USH2A: variants seen among roughly 807,000 people sequenced by gnomAD.
The protein encoded by USH2A is usherin, also known as Usher syndrome 2A (autosomal recessive, mild).
USH2A carries 443 observed loss-of-function variants against 538.9 expected under a neutral mutation model. The observed-to-expected ratio is 0.82, with a 90% CI of 0.76 to 0.89. The LOEUF (loss-of-function observed/expected upper bound fraction) is 0.89, where lower values mean the gene tolerates loss of function less well. USH2A is among the 40% of genes least tolerant of loss of function. USH2A has a pLI of 0.00. For synonymous variants in USH2A, 2,413 were observed against 2,273.5 expected (o/e 1.06, Z -1.75); for missense variants, 6,633 against 6,324.8 (o/e 1.05, Z -1.65).
At chr1:216,023,163 A>T (rs1285816877) in intron 32 of USH2A, among the ~76,000 whole-genome samples, 2 of 152,072 alleles carry the variant, frequency 1.3e-5, no homozygotes, top group African/African-American at 4.8e-5. Flanking sequence ...AAAATTCAAG[A>T]TAAATCTATC....
intron 32 of USH2A, among the ~76,000 whole-genome samples, chr1:216,039,477 G>A (rs1203232426): frequency 6.6e-6 from 1 of 151,952 alleles, no homozygotes; most frequent in African/African-American, 2.4e-5. Flanking sequence ...ATCCTCACAT[G>A]CTCTGCTTTA....
chr1:216,394,743 G>A, intron 3 of USH2A, among the ~76,000 whole-genome samples: 1 of 22,592 alleles, frequency 4.4e-5, no homozygotes, highest in East Asian at 5.0e-3. Flanking sequence ...TTTTGAGACA[G>A]AGTCTCGCTC....
intron 55 of USH2A, among the ~76,000 whole-genome samples, chr1:215,768,498 T>A (rs1457881180): frequency 6.6e-6 from 1 of 152,208 alleles, no homozygotes; most frequent in Admixed American, 6.5e-5. Flanking sequence ...AGTGATAAGA[T>A]GCAGGCACTT....
At chr1:216,120,219 CAAAAA>C (rs10525093) in intron 21 of USH2A, among the ~76,000 whole-genome samples, 49 of 100,002 alleles carry the variant, frequency 4.9e-4, no homozygotes, top group African/African-American at 1.5e-3. Context: ...TACTAAATAG[CAAAAA>C]AAAAAAAAAA....
In USH2A at chr1:215,900,867, T is replaced by C. The variant is rs920986159; in HGVS notation, c.7339A>G (p.Thr2447Ala). 3.7e-6 allele frequency: 6 copies of C among 1,613,332 alleles called. No individual in the cohort carries two copies. Among genetic ancestry groups the C allele is most frequent in the South Asian group, 2.2e-5 (2 of 91,064 alleles). The change falls in exon 39 of 72, where the codon ACT (threonine) becomes GCT (alanine). Residue 2447 changes from threonine to alanine, a missense_variant. Thr to Ala is a moderately conservative substitution (Grantham distance 58). Coordinates refer to ENST00000307340, the MANE Select transcript of USH2A (RefSeq NM_206933.4). ...CAGACAACCTGAAGACTGGTTGGAG[T>C]GGCAGATGAAAGCCTGGGAGGCAGC... ...GVLPPRLSSA[T>A]PTSLQVVWST...
chr1:215,725,694 G>A (rs948115354), intron 61 of USH2A, among the ~76,000 whole-genome samples: 3 of 151,984 alleles, frequency 2.0e-5, no homozygotes, highest in South Asian at 4.2e-4. Flanking sequence ...TAATCTATTC[G>A]ACATTGCAAG....
At chr1:215,627,876 G>A (rs992310847) in intron 71 of USH2A, among the ~76,000 whole-genome samples, 2 of 152,116 alleles carry the variant, frequency 1.3e-5, no homozygotes, top group African/African-American at 2.4e-5. Flanking sequence ...GTACTGCAGC[G>A]GGCATCTAGG....
At chr1:215,920,014 C>T (rs1334952925) in intron 38 of USH2A, among the ~76,000 whole-genome samples, 1 of 151,960 alleles carries the variant, frequency 6.6e-6, no homozygotes, top group Non-Finnish European at 1.5e-5. Context: ...CCCTTAGGTA[C>T]AAAGTACACA....
At chr1:215,873,045 A>G in intron 43 of USH2A, among the ~76,000 whole-genome samples, 1 of 152,128 alleles carries the variant, frequency 6.6e-6, no homozygotes, top group East Asian at 1.9e-4. Context: ...TCTTTAGAGC[A>G]TTGCAAAATG....
intron 43 of USH2A, among the ~76,000 whole-genome samples, chr1:215,870,636 T>C (rs974552856): frequency 6.6e-6 from 1 of 152,080 alleles, no homozygotes; most frequent in Non-Finnish European, 1.5e-5. Context: ...TACTAAAATA[T>C]ACTGTTTTCA....
intron 37 of USH2A, among the ~76,000 whole-genome samples, chr1:215,941,487 GAACA>G (rs1666632598): frequency 6.6e-6 from 1 of 151,922 alleles, no homozygotes; most frequent in Non-Finnish European, 1.5e-5. Context: ...TTTTCCAGCT[GAACA>G]AACTGATGCT....
At chr1:216,151,048 C>T (rs2033821513) in intron 21 of USH2A, among the ~76,000 whole-genome samples, 1 of 152,142 alleles carries the variant, frequency 6.6e-6, no homozygotes, top group African/African-American at 2.4e-5. Context: ...AGACTCTCCT[C>T]CCAGGCCCTC....
At chr1:215,901,310 C>T in intron 38 of USH2A, 1 of 302,366 alleles carries the variant, frequency 3.3e-6, no homozygotes, top group Non-Finnish European at 6.4e-6. Context: ...CCCCCGATAT[C>T]ATCCATTGCT....
chr1:215,790,639 A>G (rs1320787645), intron 50 of USH2A, among the ~76,000 whole-genome samples: 3 of 152,092 alleles, frequency 2.0e-5, no homozygotes, highest in Non-Finnish European at 4.4e-5. Flanking sequence ...AACTATAGGG[A>G]CTCTGAGAAA....
intron 38 of USH2A, among the ~76,000 whole-genome samples, chr1:215,926,614 C>CTTTTTTTTTTTTTT (rs10673615): frequency 6.6e-5 from 5 of 75,846 alleles, no homozygotes; most frequent in Non-Finnish European, 9.2e-5. Flanking sequence ...ACCTACCTAT[C>CTTTTTTTTTTTTTT]TTTTTTTTTT....
intron 4 of USH2A, 74 bp downstream of exon 4, chr1:216,364,879 A>G: frequency 6.3e-7 from 1 of 1,578,850 alleles, no homozygotes; most frequent in Non-Finnish European, 8.7e-7. Context: ...ATTTTAAAAT[A>G]TTATTTGTTT....
intron 49 of USH2A, among the ~76,000 whole-genome samples, chr1:215,811,561 C>G (rs912343648): frequency 1.3e-5 from 2 of 152,024 alleles, no homozygotes; most frequent in African/African-American, 4.8e-5. Context: ...TATCCCCAAC[C>G]AATAAGCATT....
chr1:215,664,524 A>G (rs1044049099), intron 64 of USH2A, among the ~76,000 whole-genome samples: 1 of 152,268 alleles, frequency 6.6e-6, no homozygotes, highest in African/African-American at 2.4e-5. Flanking sequence ...ACAAAAACCA[A>G]TCAAGAGAAG....
At position 215,627,465 on chromosome 1, in the gene USH2A, C is replaced by T. The variant is rs12759834; in HGVS notation, c.15519+1349G>A. Among the ~76,000 whole-genome samples, 387 of 132,618 alleles carry T rather than the reference C, an allele frequency of 2.9e-3. 2 individuals are homozygous for T. Among genetic ancestry groups the T allele is most frequent in the African/African-American group, 8.6e-3 (274 of 31,866 alleles). The allele number at this position is 132,618 out of a possible 152,430, so 87.0% of individuals were successfully genotyped here. A position where few individuals can be genotyped will look rare whatever the true frequency, so the allele number is the denominator to read the frequency against. On this transcript the variant is annotated intron_variant, in intron 71 of 71. Transcript: ENST00000307340. Reference sequence around the variant, plus strand: ...CCTTCCTTCCTTCCTTCCTTCCTTCCTTCCTTCCTTCCTTCCTTCTTTCCT... The same window carrying T: ...CCTTCCTTCCTTCCTTCCTTCCTTCTTTCCTTCCTTCCTTCCTTCTTTCCT...
Sources: gnomAD v4.1 joint callset for allele counts (sites outside exome capture counted in the v4.1 genomes callset) on GRCh38, gnomAD v4.1.1 for gene constraint, MANE v1.5 for transcripts, NCBI Gene and HGNC (gene_info 2026-07-23, HGNC 2026-07-21) for gene names.